The following C8orf34 variants were observed in gnomAD, a reference collection of about 807,000 sequenced individuals.
C8orf34 encodes the protein uncharacterized protein C8orf34.
In C8orf34, 65 loss-of-function variants were observed where a neutral mutation model predicts 68.3. The ratio of observed to expected loss-of-function variants is 0.95; its 90% confidence interval spans 0.78 to 1.17. The LOEUF (loss-of-function observed/expected upper bound fraction) is 1.17, where lower values mean the gene tolerates loss of function less well. C8orf34 is among the 50% of genes most tolerant of loss of function. C8orf34 has a pLI of 0.00. For missense variants in C8orf34, 664 were observed against 655.4 expected (o/e 1.01, Z -0.14); for synonymous variants, 244 against 241.2 (o/e 1.01, Z -0.11).
intron 1 of C8orf34, among the ~76,000 whole-genome samples, chr8:68,368,628 GTTT>G (rs1006936956): frequency 4.6e-5 from 7 of 151,996 alleles, no homozygotes; most frequent in African/African-American, 1.7e-4. Flanking sequence ...AGTTAGGAAA[GTTT>G]TCTTCTCTCA....
At chr8:68,769,109 G>A (rs1170360960) in intron 10 of C8orf34, among the ~76,000 whole-genome samples, 1 of 151,966 alleles carries the variant, frequency 6.6e-6, no homozygotes, top group East Asian at 1.9e-4. Flanking sequence ...GGCATGCAGT[G>A]CAATGTGTAA....
intron 1 of C8orf34, among the ~76,000 whole-genome samples, chr8:68,345,825 A>G (rs1048167633): frequency 3.0e-4 from 46 of 151,956 alleles, no homozygotes; most frequent in Non-Finnish European, 6.0e-4. Flanking sequence ...CATCAAGTAA[A>G]TTTATACATT....
chr8:68,428,499 T>C (rs771328991), intron 1 of C8orf34, among the ~76,000 whole-genome samples: 3 of 152,048 alleles, frequency 2.0e-5, no homozygotes, highest in Non-Finnish European at 2.9e-5. Flanking sequence ...TTCATGTAGG[T>C]AAATGAAGTG....
At chr8:68,637,178 G>A (rs1818871581) in intron 7 of C8orf34, among the ~76,000 whole-genome samples, 1 of 152,194 alleles carries the variant, frequency 6.6e-6, no homozygotes, top group Non-Finnish European at 1.5e-5. Context: ...CAACAGTTGA[G>A]ATGGATCTGT....
At chr8:68,574,650 G>C (rs564086692) in intron 7 of C8orf34, among the ~76,000 whole-genome samples, 1 of 152,150 alleles carries the variant, frequency 6.6e-6, no homozygotes, top group African/African-American at 2.4e-5. Flanking sequence ...CTCACATGTA[G>C]TAGTAACTTA....
At chr8:68,432,910 CA>C (rs373853746) in intron 1 of C8orf34, among the ~76,000 whole-genome samples, 38 of 151,584 alleles carry the variant, frequency 2.5e-4, no homozygotes, top group African/African-American at 9.0e-4. Flanking sequence ...TACTGCCATT[CA>C]AAAAAAATAG....
chr8:68,555,361 C>A (rs1816219407), intron 7 of C8orf34, among the ~76,000 whole-genome samples: 1 of 152,060 alleles, frequency 6.6e-6, no homozygotes, highest in Non-Finnish European at 1.5e-5. Context: ...CAATAAGAAG[C>A]ATTTTATGAG....
At chr8:68,670,450 C>G (rs1181037652) in intron 8 of C8orf34, among the ~76,000 whole-genome samples, 2 of 152,168 alleles carry the variant, frequency 1.3e-5, no homozygotes, top group African/African-American at 2.4e-5. Context: ...ACACAGATAA[C>G]CTTTCCATCT....
intron 11 of C8orf34, among the ~76,000 whole-genome samples, 196 bp downstream of exon 11, chr8:68,776,645 G>GT (rs1287164560): frequency 6.6e-6 from 1 of 152,294 alleles, no homozygotes; most frequent in African/African-American, 2.4e-5. Context: ...AAGATACTGT[G>GT]TATCAGTTCA....
intron 1 of C8orf34, among the ~76,000 whole-genome samples, chr8:68,397,054 T>G (rs1215678453): frequency 6.6e-6 from 1 of 152,102 alleles, no homozygotes; most frequent in Non-Finnish European, 1.5e-5. Flanking sequence ...TTGCTCAGGC[T>G]GGAGTGCAGT....
chr8:68,599,809 T>C (rs1817646362), intron 7 of C8orf34, among the ~76,000 whole-genome samples: 1 of 152,006 alleles, frequency 6.6e-6, no homozygotes, highest in Admixed American at 6.6e-5. Flanking sequence ...ATTAAAGTTT[T>C]GCTTACCAAA....
At chr8:68,350,096 A>T (rs923754925) in intron 1 of C8orf34, among the ~76,000 whole-genome samples, 5 of 151,688 alleles carry the variant, frequency 3.3e-5, no homozygotes, top group Non-Finnish European at 7.4e-5. Context: ...TTTGATGTGG[A>T]TATTTAGAGC....
chr8:68,656,575 C>G (rs1819516672), intron 8 of C8orf34, among the ~76,000 whole-genome samples: 1 of 152,148 alleles, frequency 6.6e-6, no homozygotes. Context: ...AATTAAAAGT[C>G]CTTTATGATT....
At chr8:68,476,737 A>T (rs964372932) in intron 4 of C8orf34, among the ~76,000 whole-genome samples, 1 of 152,204 alleles carries the variant, frequency 6.6e-6, no homozygotes, top group Non-Finnish European at 1.5e-5. Flanking sequence ...TATATGTAAC[A>T]TATATCCTAT....
At chr8:68,644,631 G>A (rs1178257765) in intron 8 of C8orf34, among the ~76,000 whole-genome samples, 1 of 152,186 alleles carries the variant, frequency 6.6e-6, no homozygotes, top group Non-Finnish European at 1.5e-5. Context: ...GAAGAATGCA[G>A]GTGAAAGAGG....
chr8:68,587,000 A>T (rs544656562), intron 7 of C8orf34, among the ~76,000 whole-genome samples: 2 of 152,288 alleles, frequency 1.3e-5, no homozygotes, highest in East Asian at 3.9e-4. Flanking sequence ...TATCTACTAC[A>T]TAACCCTACA....
At chr8:68,348,921 G>C (rs1443353432) in intron 1 of C8orf34, among the ~76,000 whole-genome samples, 2 of 151,958 alleles carry the variant, frequency 1.3e-5, no homozygotes, top group South Asian at 4.1e-4. Flanking sequence ...AAGAGACAGA[G>C]TGTGACTTCC....
intron 8 of C8orf34, among the ~76,000 whole-genome samples, chr8:68,664,614 G>A (rs1348029676): frequency 1.3e-5 from 2 of 152,114 alleles, no homozygotes; most frequent in African/African-American, 2.4e-5. Context: ...TAAGGTAGGC[G>A]AAGCTAAATT....
At chr8:68,801,257 C>T (rs1475995745) in intron 12 of C8orf34, among the ~76,000 whole-genome samples, 2 of 152,082 alleles carry the variant, frequency 1.3e-5, no homozygotes, top group Non-Finnish European at 2.9e-5. Context: ...AATCTTTTAA[C>T]AAAAATAAAT....
Sources: gnomAD v4.1 joint callset for allele counts (sites outside exome capture counted in the v4.1 genomes callset) on GRCh38, gnomAD v4.1.1 for gene constraint, MANE v1.5 for transcripts, NCBI Gene and HGNC (gene_info 2026-07-23, HGNC 2026-07-21) for gene names.